Variants in COP1 observed in about 807,000 individuals in gnomAD.
COP1 encodes the protein E3 ubiquitin-protein ligase COP1.
COP1 carries 24 observed loss-of-function variants against 101.3 expected under a neutral mutation model. That is an observed-to-expected ratio of 0.24 (90% confidence interval 0.17 to 0.33). COP1 has a LOEUF of 0.33. Among genes scored for constraint, COP1 ranks in the 10% least tolerant of loss-of-function variants. The pLI is 1.00. For missense variants in COP1, 663 were observed against 906.2 expected (o/e 0.73, Z 3.45); for synonymous variants, 347 against 341.9 (o/e 1.01, Z -0.17).
At chr1:176,123,030 T>TG (rs1305982600) in intron 8 of COP1, among the ~76,000 whole-genome samples, 1 of 152,222 alleles carries the variant, frequency 6.6e-6, no homozygotes, top group East Asian at 1.9e-4. Flanking sequence ...CACAACGTGG[T>TG]TTATTTGACT....
chr1:176,163,961 G>A lies in COP1; in HGVS notation c.566-70C>T, dbSNP rs565661320. 58 of 985,766 alleles carry A rather than the reference G, an allele frequency of 5.9e-5. No homozygotes were observed. In the African/African-American group the frequency reaches 7.5e-4, roughly 13 times the overall value. The allele number at this position is 985,766 out of a possible 1,614,324, so 61.1% of individuals were successfully genotyped here. A position where few individuals can be genotyped will look rare whatever the true frequency, so the allele number is the denominator to read the frequency against. ...TGTTAAATGTATCATGTAATTCTTC[G>A]GTTTAGATAGATTCTATTTTACCTA... is the stretch of plus-strand genomic sequence containing the variant. On this transcript the variant is annotated intron_variant, in intron 3 of 19. Coordinates refer to ENST00000367669, the MANE Select transcript of COP1 (RefSeq NM_022457.7).
At chr1:176,075,981 TA>T (rs1381724523) in intron 11 of COP1, among the ~76,000 whole-genome samples, 1 of 93,064 alleles carries the variant, frequency 1.1e-5, no homozygotes, top group African/African-American at 4.4e-5. Context: ...CCAGCCTGGG[TA>T]ACAAGCGCAA....
intron 11 of COP1, among the ~76,000 whole-genome samples, chr1:176,060,479 T>C (rs996597368): frequency 1.3e-5 from 2 of 152,200 alleles, no homozygotes; most frequent in African/African-American, 2.4e-5. Flanking sequence ...AGTAAACACT[T>C]TGAAATGTGT....
At chr1:175,955,766 CCACACACACA>C (rs60306255) in intron 18 of COP1, among the ~76,000 whole-genome samples, 36 of 129,190 alleles carry the variant, frequency 2.8e-4, no homozygotes, top group Non-Finnish European at 6.5e-5. Context: ...TAGAGACAAA[CCACACACACA>C]CACACACACA....
intron 15 of COP1, among the ~76,000 whole-genome samples, chr1:176,027,190 T>C (rs1426245800): frequency 6.6e-6 from 1 of 152,180 alleles, no homozygotes; most frequent in Non-Finnish European, 1.5e-5. Context: ...AATAAATAAT[T>C]GTTGAAAGAA....
rs373541603 is a variant in COP1 at position 176,051,587 on chromosome 1, AAAAC to A, written c.1278-5267_1278-5264del. On this transcript the variant is annotated intron_variant, in intron 11 of 19. Transcript: ENST00000367669. ...GTATATCTTCTACTTATTTTAAAAAAAAACAAACAAACTGTAAAGCAGCCGCAGG... is the reference window on the plus strand; with the variant it reads ...GTATATCTTCTACTTATTTTAAAAAAAAACAAACTGTAAAGCAGCCGCAGG... Among the ~76,000 whole-genome samples, 604 of 152,310 alleles carry A rather than the reference AAAAC, an allele frequency of 4.0e-3. 5 individuals are homozygous for A. Among genetic ancestry groups the A allele is most frequent in the East Asian group, 0.019 (101 of 5,186 alleles).
intron 2 of COP1, 27 bp from the exon 3 acceptor site, chr1:176,176,034 C>A: frequency 1.8e-6 from 2 of 1,112,734 alleles, no homozygotes; most frequent in Admixed American, 1.9e-5. Flanking sequence ...AAAAAAAAGG[C>A]TTAATTAAAT....
intron 3 of COP1, among the ~76,000 whole-genome samples, chr1:176,175,057 C>T (rs551588150): frequency 1.3e-5 from 2 of 152,200 alleles, no homozygotes; most frequent in South Asian, 4.2e-4. Context: ...CTCAAAAGTT[C>T]TCCTCCATGT....
chr1:176,069,162 G>C (rs185063602), intron 11 of COP1, among the ~76,000 whole-genome samples: 33 of 151,928 alleles, frequency 2.2e-4, no homozygotes, highest in Admixed American at 1.2e-3. Context: ...TCCAGCCTGA[G>C]CAACAGGGTG....
chr1:175,952,690 T>A (rs1650098762), intron 18 of COP1, among the ~76,000 whole-genome samples: 1 of 151,842 alleles, frequency 6.6e-6, no homozygotes, highest in Non-Finnish European at 1.5e-5. Flanking sequence ...AGAAGGATCA[T>A]CTGAGCTCAG....
rs547429713 is a variant in COP1, at chr1:176,173,758, C to T, written c.565+2152G>A. 4.8e-3 allele frequency among the ~76,000 whole-genome samples: 729 copies of T among 151,688 alleles called. 8 individuals carry two copies. The highest frequency in any genetic ancestry group is 0.017 in the African/African-American group (687 of 41,376). ...GTCCCAGCACTTTGGGAGGCTGAGG[C>T]GGGAGGATCGCTTGAGTCCAGGAGT... On this transcript the variant is annotated intron_variant, in intron 3 of 19. Coordinates refer to ENST00000367669, the MANE Select transcript of COP1 (RefSeq NM_022457.7).
intron 18 of COP1, among the ~76,000 whole-genome samples, chr1:175,981,362 T>C (rs985152289): frequency 6.6e-6 from 1 of 152,158 alleles, no homozygotes; most frequent in African/African-American, 2.4e-5. Flanking sequence ...ATTTTCTCTC[T>C]GCCTTCTTTC....
chr1:176,008,536 T>C (rs1426777960), intron 15 of COP1, among the ~76,000 whole-genome samples: 2 of 152,246 alleles, frequency 1.3e-5, no homozygotes, highest in African/African-American at 4.8e-5. Context: ...TCTTTGTGGT[T>C]TAATTACCTT....
At chr1:176,004,835 C>A (rs139673249) in intron 15 of COP1, among the ~76,000 whole-genome samples, 110 of 151,158 alleles carry the variant, frequency 7.3e-4, no homozygotes, top group South Asian at 2.1e-3. Context: ...TGTCTCTGCC[C>A]GGCTTTGGTG....
intron 10 of COP1, among the ~76,000 whole-genome samples, chr1:176,082,894 C>T (rs1406592297): frequency 6.6e-6 from 1 of 151,988 alleles, no homozygotes; most frequent in African/African-American, 2.4e-5. Context: ...TGATATTTTA[C>T]AAATTTTAAA....
At chr1:176,099,505 G>GTCTCTCTCTCTCTCTC (rs145354415) in intron 9 of COP1, among the ~76,000 whole-genome samples, 5 of 143,790 alleles carry the variant, frequency 3.5e-5, no homozygotes, top group African/African-American at 1.3e-4. Context: ...GAGCATATTT[G>GTCTCTCTCTCTCTCTC]TCTCTCTCTC....
chr1:176,116,776 A>G, intron 8 of COP1, 95 bp from the exon 9 acceptor site: 4 of 794,570 alleles, frequency 5.0e-6, no homozygotes, highest in Non-Finnish European at 8.1e-6. Context: ...TAAGCCCAGT[A>G]TTTCTAATTT....
Position 176,081,294 on chromosome 1 carries a change from GAAAAAA to G in COP1, c.1142-13_1142-8del. 5.5e-6 allele frequency: 7 copies of G among 1,283,136 alleles called. No homozygotes were observed. Among genetic ancestry groups the G allele is most frequent in the South Asian group, 4.8e-5 (3 of 62,790 alleles). 79.5% of individuals were successfully genotyped at this position (1,283,136 alleles called of 1,614,324 possible). ...CTTGCAGTTCGACTGTCATCTATAT[GAAAAAA>G]AAAAAAAAAAGACAAAACAGATGAA... is the stretch of plus-strand genomic sequence containing the variant. On this transcript the variant is annotated splice_region_variant and splice_polypyrimidine_tract_variant and intron_variant, in intron 10 of 19. Transcript: ENST00000367669.
At chr1:176,182,515 A>G (rs950040940) in intron 2 of COP1, among the ~76,000 whole-genome samples, 1 of 152,216 alleles carries the variant, frequency 6.6e-6, no homozygotes, top group Non-Finnish European at 1.5e-5. Flanking sequence ...GTATACTGCT[A>G]AACAATCTAT....
Sources: gnomAD v4.1 joint callset for allele counts (sites outside exome capture counted in the v4.1 genomes callset) on GRCh38, gnomAD v4.1.1 for gene constraint, MANE v1.5 for transcripts, NCBI Gene and HGNC (gene_info 2026-07-23, HGNC 2026-07-21) for gene names.